M1AP: variants seen among roughly 807,000 people sequenced by gnomAD.
The protein encoded by M1AP is meiosis 1 associated protein.
In M1AP, 39 loss-of-function variants were observed where a neutral mutation model predicts 51.2. That is an observed-to-expected ratio of 0.76 (90% CI 0.59 to 1.00). The LOEUF (loss-of-function observed/expected upper bound fraction) is 1.00. Ranked by LOEUF, M1AP falls within the 50% of genes least tolerant of loss-of-function variation. M1AP has a pLI of 0.00. For missense variants in M1AP, 545 were observed against 641.2 expected (o/e 0.85, Z 1.62); for synonymous variants, 251 against 249.2 (o/e 1.01, Z -0.07).
In M1AP at chr2:74,598,718, G is replaced by A. The variant is rs1422282402; in HGVS notation, c.595+8337C>T. The stretch of plus-strand genomic sequence containing the variant: ...TCATTTATTGTGGCCTTGACCGCCC[G>A]GGCTCAAGTCTCCTGTCTCAGCATC... On this transcript the variant is annotated intron_variant, in intron 4 of 10. Coordinates refer to ENST00000421985, the MANE Select transcript of M1AP (RefSeq NM_001321739.2). 6.0e-5 allele frequency among the ~76,000 whole-genome samples: 9 copies of A among 150,144 alleles called. No individual in the cohort carries two copies. In the South Asian group the frequency reaches 1.1e-3, roughly 18 times the overall value.
chr2:74,625,944 C>A (rs71418739), intron 2 of M1AP, among the ~76,000 whole-genome samples: 1 of 152,196 alleles, frequency 6.6e-6, no homozygotes, highest in Non-Finnish European at 1.5e-5. Context: ...TTCTGGGCAT[C>A]CTGCCTACAC....
chr2:74,561,816 T>C (rs1573054651), intron 8 of M1AP: 1 of 891,250 alleles, frequency 1.1e-6, no homozygotes, highest in Admixed American at 6.2e-5. Flanking sequence ...CCTGCCTCCC[T>C]GTGCCCTGGC....
intron 4 of M1AP, among the ~76,000 whole-genome samples, chr2:74,601,554 A>G (rs1680680411): frequency 6.6e-6 from 1 of 152,152 alleles, no homozygotes; most frequent in African/African-American, 2.4e-5. Context: ...ATAATGCATA[A>G]TAAAAAATTT....
At chr2:74,562,978 T>C (rs1397681812) in intron 7 of M1AP, among the ~76,000 whole-genome samples, 2 of 152,132 alleles carry the variant, frequency 1.3e-5, no homozygotes, top group African/African-American at 4.8e-5. Context: ...GTGTTGTCTG[T>C]TGTAGAAATT....
chr2:74,562,584 A>G (rs1400076471), intron 7 of M1AP, among the ~76,000 whole-genome samples, 161 bp from the exon 8 acceptor site: 3 of 152,172 alleles, frequency 2.0e-5, no homozygotes, highest in African/African-American at 4.8e-5. Flanking sequence ...TGAATCATCA[A>G]TATCACAATG....
intron 2 of M1AP, chr2:74,628,428 A>G (rs1682522672): frequency 1.0e-5 from 4 of 390,464 alleles, no homozygotes. Flanking sequence ...CTTACACCTG[A>G]TGTAACCATA....
chr2:74,580,603 A>G (rs1289021974), intron 5 of M1AP, among the ~76,000 whole-genome samples: 4 of 152,194 alleles, frequency 2.6e-5, no homozygotes, highest in African/African-American at 7.2e-5. Flanking sequence ...CTAAAGAAAC[A>G]ATGGTCATAA....
intron 4 of M1AP, among the ~76,000 whole-genome samples, chr2:74,606,391 A>G (rs1681000225): frequency 6.6e-6 from 1 of 152,214 alleles, no homozygotes; most frequent in African/African-American, 2.4e-5. Flanking sequence ...CTAAAATGTA[A>G]TAAACCAAAT....
chr2:74,646,784 T>C (rs1420327757), intron 1 of M1AP, among the ~76,000 whole-genome samples: 1 of 152,196 alleles, frequency 6.6e-6, no homozygotes, highest in Non-Finnish European at 1.5e-5. Context: ...TTTTAGTGTT[T>C]TGACAATTTT....
intron 2 of M1AP, chr2:74,618,763 C>T (rs539127702): frequency 1.7e-4 from 41 of 247,944 alleles, no homozygotes; most frequent in Non-Finnish European, 3.1e-4. Flanking sequence ...ATGTGCCAAA[C>T]CCCAAAGAAG....
At chr2:74,563,227 TAAAG>T (rs550424379) in intron 7 of M1AP, among the ~76,000 whole-genome samples, 162 of 151,348 alleles carry the variant, frequency 1.1e-3, no homozygotes, top group Non-Finnish European at 1.9e-3. Flanking sequence ...ATTAAATAAA[TAAAG>T]ATAGATAGAT....
chr2:74,626,029 G>C (rs1365532552), intron 2 of M1AP, among the ~76,000 whole-genome samples: 1 of 152,178 alleles, frequency 6.6e-6, no homozygotes, highest in African/African-American at 2.4e-5. Flanking sequence ...TGCTTTCCCA[G>C]GAACTGCAGA....
chr2:74,607,257 C>G, intron 3 of M1AP, 34 bp from the exon 4 acceptor site: 3 of 1,603,010 alleles, frequency 1.9e-6, no homozygotes, highest in Non-Finnish European at 8.5e-7. Flanking sequence ...TGTGTCTATT[C>G]TCCCTGATGT....
At chr2:74,638,078 G>A (rs1293202482) in intron 2 of M1AP, among the ~76,000 whole-genome samples, 18 of 149,724 alleles carry the variant, frequency 1.2e-4, no homozygotes, top group Admixed American at 9.3e-4. Context: ...TTTTTGAGAC[G>A]GAGTCTTGCT....
intron 2 of M1AP, chr2:74,615,522 T>C (rs888059832): frequency 7.8e-5 from 17 of 218,322 alleles, no homozygotes; most frequent in African/African-American, 3.2e-4. Context: ...CATTTCTTAG[T>C]CAGTCTAGGC....
chr2:74,609,937 T>A (rs754231498), intron 3 of M1AP, among the ~76,000 whole-genome samples: 1 of 152,178 alleles, frequency 6.6e-6, no homozygotes, highest in Non-Finnish European at 1.5e-5. Flanking sequence ...ATTCCGGATA[T>A]GAATCCCTTG....
chr2:74,584,460 A>G (rs909011020), intron 4 of M1AP, among the ~76,000 whole-genome samples: 2 of 151,462 alleles, frequency 1.3e-5, no homozygotes, highest in Admixed American at 6.6e-5. Flanking sequence ...AAAAAAAAAA[A>G]AAAAAGAAAA....
At chr2:74,633,568 G>A (rs1682817968) in intron 2 of M1AP, among the ~76,000 whole-genome samples, 1 of 152,002 alleles carries the variant, frequency 6.6e-6, no homozygotes, top group Non-Finnish European at 1.5e-5. Context: ...ATTCCCACTT[G>A]CTTGTGCCAT....
chr2:74,614,609 C>T (rs1442301443), intron 3 of M1AP, among the ~76,000 whole-genome samples: 8 of 152,122 alleles, frequency 5.3e-5, no homozygotes, highest in African/African-American at 1.9e-4. Flanking sequence ...CTAAGAGTAC[C>T]AAGGTAAATA....
Sources: gnomAD v4.1 joint callset for allele counts (sites outside exome capture counted in the v4.1 genomes callset) on GRCh38, gnomAD v4.1.1 for gene constraint, MANE v1.5 for transcripts, NCBI Gene and HGNC (gene_info 2026-07-23, HGNC 2026-07-21) for gene names.